RRM2: variants seen among roughly 807,000 people sequenced by gnomAD.
RRM2 encodes ribonucleotide reductase regulatory subunit M2.
RRM2 carries 6 observed loss-of-function variants against 45.9 expected under a neutral mutation model. The ratio of observed to expected loss-of-function variants is 0.13; its 90% CI spans 0.07 to 0.26. The LOEUF (loss-of-function observed/expected upper bound fraction) is 0.26, where lower values mean the gene tolerates loss of function less well. Ranked by LOEUF, RRM2 falls within the 10% of genes least tolerant of loss-of-function variation. The probability of loss-of-function intolerance (pLI) is 1.00; values close to 1 mark genes in which losing one functional copy is unlikely to be tolerated. For missense variants in RRM2, 343 were observed against 489.5 expected, an observed-to-expected ratio of 0.70 and a Z score of 2.82; for synonymous variants, 177 against 173.0, an observed-to-expected ratio of 1.02 and a Z score of -0.18.
At chr2:10,153,170 A>C in intron 3 of RRM2, among the ~76,000 whole-genome samples, 1 of 152,026 alleles carries the variant, frequency 6.6e-6, no homozygotes, top group East Asian at 1.9e-4. Context: ...TGTCTCTACC[A>C]AAAATACAAA....
chr2:10,167,398 T>C (rs1663705180), intron 3 of RRM2, among the ~76,000 whole-genome samples: 2 of 152,194 alleles, frequency 1.3e-5, no homozygotes, highest in Non-Finnish European at 2.9e-5. Context: ...CTGCTCGGCT[T>C]GGACTCGCCT....
At chr2:10,122,928 G>C (rs781212989) in intron 1 of RRM2, 31 bp downstream of exon 1, 2 of 1,554,006 alleles carry the variant, frequency 1.3e-6, no homozygotes, top group Non-Finnish European at 1.7e-6. Context: ...CTGCGGGCAG[G>C]GGAGGGAGGC....
At chr2:10,188,370 T>C (rs1664214569) in intron 3 of RRM2, among the ~76,000 whole-genome samples, 1 of 152,190 alleles carries the variant, frequency 6.6e-6, no homozygotes, top group Non-Finnish European at 1.5e-5. Flanking sequence ...TAGTGGGGCC[T>C]CTCTTCCTGG....
chr2:10,182,679 C>T (rs963658628), intron 3 of RRM2, among the ~76,000 whole-genome samples: 4 of 152,096 alleles, frequency 2.6e-5, no homozygotes, highest in African/African-American at 7.2e-5. Flanking sequence ...GCAGCTAGTC[C>T]TTAATAGGAT....
intron 4 of RRM2, chr2:10,124,161 A>G: frequency 3.3e-6 from 1 of 299,954 alleles, no homozygotes; most frequent in African/African-American, 2.4e-5. Flanking sequence ...GCTGGAGTGC[A>G]GTGGTGTGAT....
chr2:10,166,890 G>A (rs542697851), intron 3 of RRM2, among the ~76,000 whole-genome samples: 17 of 152,358 alleles, frequency 1.1e-4, no homozygotes, highest in African/African-American at 3.6e-4. Context: ...CCCTGGCGGG[G>A]TTGGGAGCGT....
At chr2:10,138,861 A>G (rs539142973), upstream of RRM2, among the ~76,000 whole-genome samples, 54 of 152,190 alleles carry the variant, frequency 3.5e-4, no homozygotes, top group South Asian at 6.2e-4. Context: ...TAATCCCAAC[A>G]CTTTGGGAGG....
intron 3 of RRM2, among the ~76,000 whole-genome samples, chr2:10,206,344 A>C (rs1264295750): frequency 6.6e-6 from 1 of 152,174 alleles, no homozygotes; most frequent in Admixed American, 6.5e-5. Context: ...ATCTATCTGC[A>C]TAAAAAGACT....
intron 3 of RRM2, among the ~76,000 whole-genome samples, chr2:10,142,840 C>G (rs766231999): frequency 6.6e-6 from 1 of 152,236 alleles, no homozygotes; most frequent in Admixed American, 6.5e-5. Context: ...TCACCTCTGC[C>G]TTGAACCTTC....
intron 3 of RRM2, among the ~76,000 whole-genome samples, chr2:10,179,477 G>A (rs1663999595): frequency 6.6e-6 from 1 of 152,196 alleles, no homozygotes. Flanking sequence ...AAGGACATTT[G>A]AGTGCTACCA....
chr2:10,128,852 T>C lies in RRM2; in HGVS notation c.803T>C (p.Leu268Ser). The change falls in exon 8 of 10, where the codon TTA becomes TCA. Residue 268 changes from leucine to serine, a missense_variant. Leu to Ser is a moderately radical substitution (Grantham distance 145, BLOSUM62 -2). This residue lies in a region of RRM2 where 212 missense variants were observed against 368.1 expected (regional missense o/e 0.58). Coordinates refer to ENST00000304567, the MANE Select transcript of RRM2 (RefSeq NM_001034.4). ...ATCTTGAACTTTTTTTTCTAGGGTT[T>C]ACACTGTGATTTTGCTTGCCTGATG... Reference protein sequence around the residue: ...SNELISRDEGLHCDFACLMFK... With the variant: ...SNELISRDEGSHCDFACLMFK... 6.2e-7 allele frequency: 1 copy of C among 1,613,528 alleles called. No individual in the cohort carries two copies. The highest frequency in any genetic ancestry group is 1.3e-5 in the African/African-American group (1 of 75,054).
rs1662792540 is a variant in RRM2, at chr2:10,126,962, T to C, written c.657T>C (p.Ala219=). ...TGCGCTGGATTGGGGACAAAGAGGC[T>C]ACCTATGGTAAGGAGACCCTTGCCC... ...WALRWIGDKE[A]TYGERVVAFA... Residue 219 remains alanine, a synonymous_variant, in exon 6 of 10, where the codon GCT becomes GCC. Transcript: ENST00000304567. The C allele has an allele frequency of 6.2e-7, 1 of 1,613,936 alleles. No individual in the cohort carries two copies. The highest frequency in any genetic ancestry group is 8.5e-7 in the Non-Finnish European group (1 of 1,179,934).
downstream of RRM2, among the ~76,000 whole-genome samples, chr2:10,135,121 A>G (rs947033661): frequency 2.6e-5 from 4 of 152,252 alleles, no homozygotes; most frequent in South Asian, 8.3e-4. Flanking sequence ...TACCATTCAC[A>G]TCCCCAAGCC....
Position 10,204,757 on chromosome 2 carries a change from G to A in RRM2, n.483-5554G>A, listed in dbSNP as rs558821211. On this transcript the variant is annotated intron_variant and non_coding_transcript_variant, in intron 3 of 3. Coordinates refer to the RRM2 transcript ENST00000381786. This position sits in a 1 kb window ranked among gnomAD's most constrained non-coding sequence, Gnocchi z 4.0. ...ATTGCCCTATGCAGATACTTAGTCT[G>A]TGGCTGGGAGCCAAGCCTCAGGGTC... 3.5e-4 allele frequency among the ~76,000 whole-genome samples: 53 copies of A among 152,380 alleles called. No homozygotes were observed. Among genetic ancestry groups the A allele is most frequent in the African/African-American group, 1.2e-3 (51 of 41,590 alleles).
rs1663801745 is a variant in RRM2, at chr2:10,171,267, A to G, written n.482+28892A>G. Among the ~76,000 whole-genome samples the G allele has an allele frequency of 6.6e-6, 1 of 152,230 alleles. No homozygotes were observed. The highest frequency in any genetic ancestry group is 1.5e-5 in the Non-Finnish European group (1 of 68,036). Reference sequence around the variant, plus strand: ...TGCCCCCTGGGCTGTCAGGAGGATTAAATGAGATAAGACAAACACAGAGCA... The same window carrying G: ...TGCCCCCTGGGCTGTCAGGAGGATTGAATGAGATAAGACAAACACAGAGCA... On this transcript the variant is annotated intron_variant and non_coding_transcript_variant, in intron 3 of 3. Coordinates refer to the RRM2 transcript ENST00000381786. The surrounding 1 kb of genome is among the most constrained non-coding windows in gnomAD (Gnocchi z 4.1).
chr2:10,126,229 A>G (rs1314136867), intron 5 of RRM2, among the ~76,000 whole-genome samples: 1 of 146,860 alleles, frequency 6.8e-6, no homozygotes, highest in Non-Finnish European at 1.5e-5. Flanking sequence ...TTCAGAACAC[A>G]AAGTCATCTG....
At chr2:10,174,946 A>G (rs1663883514) in intron 3 of RRM2, among the ~76,000 whole-genome samples, 2 of 152,208 alleles carry the variant, frequency 1.3e-5, no homozygotes. Context: ...TTTACAGGAA[A>G]TTTGGAGATA....
intron 7 of RRM2, among the ~76,000 whole-genome samples, chr2:10,128,148 G>A (rs1454505759): frequency 2.0e-5 from 3 of 152,068 alleles, no homozygotes; most frequent in African/African-American, 7.2e-5. Flanking sequence ...CTGGGTGACA[G>A]TCCCCCCGAA....
chr2:10,172,457 G>A lies in RRM2; in HGVS notation n.482+30082G>A, dbSNP rs534300347. Reference sequence around the variant, plus strand: ...GAAGCTGGCTCAACCGAGAGCTGAGGGAAGACGGTGAAGGCCCTTTTGTTT... The same window carrying A: ...GAAGCTGGCTCAACCGAGAGCTGAGAGAAGACGGTGAAGGCCCTTTTGTTT... On this transcript the variant is annotated intron_variant and non_coding_transcript_variant, in intron 3 of 3. Transcript: ENST00000381786. The surrounding 1 kb of genome is among the most constrained non-coding windows in gnomAD (Gnocchi z 4.9). Among the ~76,000 whole-genome samples, 1 of 152,270 alleles carries A rather than the reference G, an allele frequency of 6.6e-6. No individual in the cohort carries two copies. Among genetic ancestry groups the A allele is most frequent in the African/African-American group, 2.4e-5 (1 of 41,556 alleles).
Sources: gnomAD v4.1 joint callset for allele counts (sites outside exome capture counted in the v4.1 genomes callset) on GRCh38, gnomAD v4.1.1 for gene constraint, gnomAD v4.1.1 regional missense constraint, Gnocchi (gnomAD v3.1) non-coding constraint, MANE v1.5 for transcripts, NCBI Gene and HGNC (gene_info 2026-07-23, HGNC 2026-07-21) for gene names.